The following DENND4A variants were observed in gnomAD, a reference collection of about 807,000 sequenced individuals.
DENND4A encodes DENN domain containing 4A.
DENND4A carries 70 observed loss-of-function variants against 199.3 expected under a neutral mutation model. That is an observed-to-expected ratio of 0.35 (90% confidence interval 0.29 to 0.43). DENND4A has a LOEUF of 0.43. Ranked by LOEUF, DENND4A falls within the 20% of genes least tolerant of loss-of-function variation. The pLI is 1.00. For missense variants in DENND4A, 1,723 were observed against 2,255.8 expected, an observed-to-expected ratio of 0.76 and a Z score of 4.78; for synonymous variants, 686 against 766.9, an observed-to-expected ratio of 0.89 and a Z score of 1.74.
Position 65,699,382 on chromosome 15 carries a change from A to G in DENND4A, c.2833+1162T>C, listed in dbSNP as rs1241062085. On this transcript the variant is annotated intron_variant, in intron 20 of 32. Coordinates refer to ENST00000443035, the MANE Select transcript of DENND4A (RefSeq NM_001320835.1). ...GTGTAATTTTTGAAATGTAATAATA[A>G]AAAGAACAGAATTATGTAAATAATT... is the stretch of plus-strand genomic sequence containing the variant. 2.0e-5 allele frequency among the ~76,000 whole-genome samples: 3 copies of G among 151,946 alleles called. No homozygotes were observed. In the East Asian group the frequency reaches 5.8e-4, roughly 29 times the overall value.
chr15:65,695,623 A>G (rs1210864897), intron 22 of DENND4A, among the ~76,000 whole-genome samples: 15 of 152,190 alleles, frequency 9.9e-5, no homozygotes, highest in Non-Finnish European at 1.5e-5. Context: ...CATGTTCTTC[A>G]ATATTTTTTA....
intron 1 of DENND4A, among the ~76,000 whole-genome samples, chr15:65,768,577 T>C (rs1295273299): frequency 6.6e-6 from 1 of 152,160 alleles, no homozygotes; most frequent in Non-Finnish European, 1.5e-5. Flanking sequence ...ACATATAAAG[T>C]GTACATTATT....
At chr15:65,752,083 G>A (rs1206406145) in intron 4 of DENND4A, among the ~76,000 whole-genome samples, 10 of 111,160 alleles carry the variant, frequency 9.0e-5, no homozygotes, top group African/African-American at 3.5e-4. Flanking sequence ...TGAGGTGTGG[G>A]ATCTAGTCAC....
At chr15:65,762,043 T>C (rs1314396381) in intron 1 of DENND4A, among the ~76,000 whole-genome samples, 2 of 152,168 alleles carry the variant, frequency 1.3e-5, no homozygotes, top group African/African-American at 4.8e-5. Context: ...GTTTCGCTCT[T>C]GTTGCCCAGG....
chr15:65,741,845 G>T, intron 4 of DENND4A, 61 bp from the exon 5 acceptor site: 2 of 1,361,916 alleles, frequency 1.5e-6, no homozygotes, highest in Non-Finnish European at 2.1e-6. Context: ...TGATAAAATG[G>T]AATCTCTTTG....
At chr15:65,716,234 T>C (rs1018283424) in intron 13 of DENND4A, among the ~76,000 whole-genome samples, 3 of 151,986 alleles carry the variant, frequency 2.0e-5, no homozygotes, top group Non-Finnish European at 4.4e-5. Flanking sequence ...TCTTTTTTTT[T>C]TCTTTTATTT....
Position 65,665,007 on chromosome 15 carries a change from C to A in DENND4A, c.5360-285G>T, listed in dbSNP as rs542535194. ...CTAAATCAGCAGCCTGGGATGGAAA[C>A]AAATAAAAAATAAGTAAAAAGAAGA... On this transcript the variant is annotated intron_variant, in intron 30 of 32. Coordinates refer to ENST00000443035, the MANE Select transcript of DENND4A (RefSeq NM_001320835.1). 1.2e-3 allele frequency: 564 copies of A among 454,098 alleles called. 6 individuals carry two copies. The South Asian group carries it at 0.021, about 17-fold the overall frequency. 28.1% of individuals were successfully genotyped at this position (454,098 alleles called of 1,614,324 possible). A position where few individuals can be genotyped will look rare whatever the true frequency, so the allele number is the denominator to read the frequency against.
chr15:65,787,642 T>C lies in DENND4A; in HGVS notation c.-102+4368A>G, dbSNP rs576454988. Among the ~76,000 whole-genome samples, 3 of 152,300 alleles carry C rather than the reference T, an allele frequency of 2.0e-5. No individual in the cohort carries two copies. The South Asian group carries it at 6.2e-4, about 32-fold the overall frequency. On this transcript the variant is annotated intron_variant, in intron 1 of 32. Transcript: ENST00000443035. ...CAAAAATTTATTTGTAAATTTTTTG[T>C]CTAGAACTCACAGCATACCTTCCCA...
Position 65,753,227 on chromosome 15 carries a change from A to C in DENND4A, c.312-599T>G, listed in dbSNP as rs143784705. 2.1e-3 allele frequency among the ~76,000 whole-genome samples: 318 copies of C among 152,322 alleles called. 1 individual carries two copies. Among genetic ancestry groups the C allele is most frequent in the Non-Finnish European group, 3.4e-3 (230 of 68,032 alleles). ...TCCATTCATTAAGTTTTCTATACTT[A>C]AGCACTAAGGAACACTAAAAAAAAT... is the stretch of plus-strand genomic sequence containing the variant. On this transcript the variant is annotated intron_variant, in intron 3 of 32. Transcript: ENST00000443035.
intron 1 of DENND4A, among the ~76,000 whole-genome samples, chr15:65,772,706 C>CAAAAAAAAAA (rs34181353): frequency 8.9e-5 from 3 of 33,568 alleles, no homozygotes; most frequent in East Asian, 1.1e-3. Flanking sequence ...GACTCCGTCT[C>CAAAAAAAAAA]AAAAAAAAAA....
At chr15:65,757,894 T>C (rs569804229) in intron 2 of DENND4A, among the ~76,000 whole-genome samples, 37 of 151,966 alleles carry the variant, frequency 2.4e-4, no homozygotes, top group Middle Eastern at 3.2e-3. Flanking sequence ...GGCAGGAGAA[T>C]CGCTTGAACC....
At chr15:65,681,173 A>G (rs1348374608) in intron 23 of DENND4A, 1 of 152,202 alleles carries the variant, frequency 6.6e-6, no homozygotes, top group Non-Finnish European at 1.5e-5. Flanking sequence ...TCAAGGCTCC[A>G]CTTCTAATTC....
intron 25 of DENND4A, among the ~76,000 whole-genome samples, chr15:65,671,172 CAA>C: frequency 6.6e-6 from 1 of 152,036 alleles, no homozygotes; most frequent in Middle Eastern, 3.4e-3. Flanking sequence ...AATAAACACT[CAA>C]AGAGAACATT....
At chr15:65,736,009 A>C (rs1195600869) in intron 7 of DENND4A, among the ~76,000 whole-genome samples, 1 of 152,180 alleles carries the variant, frequency 6.6e-6, no homozygotes, top group Non-Finnish European at 1.5e-5. Flanking sequence ...AATTAAATAC[A>C]AACTTTCAAG....
At chr15:65,735,395 A>AG (rs568220887) in intron 7 of DENND4A, among the ~76,000 whole-genome samples, 171 of 152,284 alleles carry the variant, frequency 1.1e-3, no homozygotes, top group Non-Finnish European at 1.2e-3. Context: ...GAAAACAAAA[A>AG]GAAAAAAACA....
chr15:65,783,641 G>A (rs2077491991), intron 1 of DENND4A, among the ~76,000 whole-genome samples: 1 of 152,088 alleles, frequency 6.6e-6, no homozygotes, highest in South Asian at 2.1e-4. Flanking sequence ...TACAAGATGA[G>A]TCTGGAACTT....
chr15:65,709,719 A>AATATATATATAT lies in DENND4A; in HGVS notation c.1954-3507_1954-3496dup, dbSNP rs1555422997. Among the ~76,000 whole-genome samples, 89 of 51,434 alleles carry AATATATATATAT rather than the reference A, an allele frequency of 1.7e-3. 1 individual carries two copies. The highest frequency in any genetic ancestry group is 9.6e-3 in the East Asian group (5 of 520). 33.7% of individuals were successfully genotyped at this position (51,434 alleles called of 152,430 possible). A position where few individuals can be genotyped will look rare whatever the true frequency, so the allele number is the denominator to read the frequency against. The stretch of plus-strand genomic sequence containing the variant: ...TCAAAAAAAAAAAAAAAAAAAAAAA[A>AATATATATATAT]ATATATATATATATATATATATAAT... On this transcript the variant is annotated intron_variant, in intron 14 of 32. Transcript: ENST00000443035.
intron 1 of DENND4A, among the ~76,000 whole-genome samples, chr15:65,785,965 G>C (rs562511777): frequency 1.3e-5 from 2 of 151,970 alleles, no homozygotes; most frequent in South Asian, 4.2e-4. Flanking sequence ...AGAAATCAAA[G>C]AATTTGATAA....
intron 23 of DENND4A, among the ~76,000 whole-genome samples, chr15:65,678,111 A>G (rs969782418): frequency 1.3e-5 from 2 of 151,908 alleles, no homozygotes; most frequent in South Asian, 2.1e-4. Context: ...TATTTGTAGT[A>G]GAGACGGGGT....
Sources: gnomAD v4.1 joint callset for allele counts (sites outside exome capture counted in the v4.1 genomes callset) on GRCh38, gnomAD v4.1.1 for gene constraint, MANE v1.5 for transcripts, NCBI Gene and HGNC (gene_info 2026-07-23, HGNC 2026-07-21) for gene names.